PHF3: variants seen among roughly 807,000 people sequenced by gnomAD.
The protein encoded by PHF3 is PHD finger protein 3.
Under a neutral mutation model 178.4 loss-of-function variants are expected in PHF3, and 41 were observed. The ratio of observed to expected loss-of-function variants is 0.23; its 90% CI spans 0.18 to 0.30. PHF3 has a LOEUF of 0.30. Ranked by LOEUF, PHF3 falls within the 10% of genes least tolerant of loss-of-function variation. PHF3 has a pLI of 1.00. For synonymous variants in PHF3, 842 were observed against 800.5 expected, an observed-to-expected ratio of 1.05 and a Z score of -0.88; for missense variants, 2,346 against 2,398.1, an observed-to-expected ratio of 0.98 and a Z score of 0.45.
intron 6 of PHF3, among the ~76,000 whole-genome samples, chr6:63,696,037 A>G (rs1219678267): frequency 6.6e-6 from 1 of 152,218 alleles, no homozygotes; most frequent in Non-Finnish European, 1.5e-5. Flanking sequence ...TAAACATCCC[A>G]AATCTAAAAT....
chr6:63,724,873 A>T lies in PHF3; in HGVS notation c.*11165A>T, dbSNP rs531196380. ...GTGTATTGTTTGGTTAGTTTTTACT[A>T]ATAGGTCCTCTTAGCAGAGGATCAA... On this transcript the variant is annotated 3_prime_UTR_variant, in exon 16 of 16. Transcript: ENST00000262043. 6.6e-6 allele frequency among the ~76,000 whole-genome samples: 1 copy of T among 152,104 alleles called. No individual in the cohort carries two copies. Among genetic ancestry groups the T allele is most frequent in the East Asian group, 1.9e-4 (1 of 5,186 alleles).
chr6:63,668,582 T>TTGTCCCACATCGGTTTA (rs1489199481), intron 2 of PHF3, among the ~76,000 whole-genome samples: 2 of 152,154 alleles, frequency 1.3e-5, no homozygotes, highest in African/African-American at 4.8e-5. Flanking sequence ...GCTCAAGTGA[T>TTGTCCCACATCGGTTTA]TGTCCCACAT....
chr6:63,649,247 G>C (rs1436194042), intron 2 of PHF3, among the ~76,000 whole-genome samples: 3 of 152,024 alleles, frequency 2.0e-5, no homozygotes, highest in African/African-American at 7.3e-5. Flanking sequence ...CTTGGCCTGG[G>C]AAATCTTATT....
chr6:63,703,636 A>C lies in PHF3; in HGVS notation c.3332A>C (p.Gln1111Pro). The C allele has an allele frequency of 6.2e-7, 1 of 1,605,978 alleles. No homozygotes were observed. The highest frequency in any genetic ancestry group is 8.5e-7 in the Non-Finnish European group (1 of 1,177,966). The change falls in exon 11 of 16, where the codon CAG becomes CCG. Residue 1111 changes from glutamine to proline, a missense_variant. By Grantham distance (76) the Gln-to-Pro change is moderately conservative. This residue lies in a region of PHF3 where 205 missense variants were observed against 212.4 expected (regional missense o/e 0.97). Coordinates refer to ENST00000262043, the MANE Select transcript of PHF3 (RefSeq NM_001370348.2). ...AAAGATACCACTAGTCAACACAGAC[A>C]GCATCTTTTTGATCTCAACTGCAAA... ...MSKDTTSQHR[Q>P]HLFDLNCKIC...
Position 63,725,009 on chromosome 6 carries a change from TAAAC to T in PHF3, c.*11302_*11305del, listed in dbSNP as rs1404196342. Among the ~76,000 whole-genome samples the T allele has an allele frequency of 6.6e-6, 1 of 152,168 alleles. No homozygotes were observed. Among genetic ancestry groups the T allele is most frequent in the Non-Finnish European group, 1.5e-5 (1 of 67,986 alleles). ...CCTTAAATAAATGAGAGACTTCAAA[TAAAC>T]TTGTTATATCACTTGATTACTAAAA... On this transcript the variant is annotated 3_prime_UTR_variant, in exon 16 of 16. Coordinates refer to ENST00000262043, the MANE Select transcript of PHF3 (RefSeq NM_001370348.2).
chr6:63,712,225 G>A lies in PHF3; in HGVS notation c.4637G>A (p.Gly1546Glu). The change falls in exon 16 of 16, where the codon GGG becomes GAG. Residue 1546 changes from glycine (G) to glutamate (E), a missense_variant. Physicochemically the swap from Gly to Glu is moderately conservative, Grantham distance 98. Around this residue, in one of 8 missense-constraint regions of PHF3, gnomAD observed 839 missense variants for 806.9 expected, o/e 1.04. Transcript: ENST00000262043. ...KSAEIETSVVGSSSISAGSLT... is the reference protein window; with the variant it reads ...KSAEIETSVVESSSISAGSLT... ...GCAGAAATAGAAACATCAGTAGTAG[G>A]GTCCTCTTCCATTTCTGCAGGGTCT... 1.2e-6 allele frequency: 2 copies of A among 1,613,968 alleles called. No individual in the cohort carries two copies. Among genetic ancestry groups the A allele is most frequent in the Non-Finnish European group, 1.7e-6 (2 of 1,179,944 alleles).
intron 3 of PHF3, 58 bp from the exon 4 acceptor site, chr6:63,684,071 A>G (rs1009487982): frequency 1.4e-5 from 19 of 1,323,190 alleles, no homozygotes; most frequent in Admixed American, 1.1e-4. Flanking sequence ...TTGTATTGAA[A>G]TAAAAGCACA....
intron 1 of PHF3, among the ~76,000 whole-genome samples, chr6:63,642,857 A>G (rs1382764653): frequency 2.6e-5 from 4 of 152,192 alleles, no homozygotes; most frequent in Admixed American, 2.6e-4. Context: ...CCCCTTAATT[A>G]GATCTGATTA....
In PHF3 at chr6:63,680,058, C is replaced by T; in HGVS notation, c.303C>T (p.Thr101=). Residue 101 remains threonine, a synonymous_variant, in exon 3 of 16, where the codon ACC becomes ACT. Coordinates refer to ENST00000262043, the MANE Select transcript of PHF3 (RefSeq NM_001370348.2). ...EGVVKESGND[T]IDEEELILPN... ...TTGTTAAAGAAAGTGGCAATGATAC[C>T]ATTGATGAAGAAGAACTGATTTTAC... 1 of 1,612,380 alleles carries T rather than the reference C, an allele frequency of 6.2e-7. No homozygotes were observed. The highest frequency in any genetic ancestry group is 1.7e-5 in the Admixed American group (1 of 59,952).
In PHF3 at chr6:63,699,413, T is replaced by C. The variant is rs561664668; in HGVS notation, c.2982+808T>C. ...ATAAAAGGTTTTCACACAACTGATA[T>C]AAATTTGTATAAGGATATTTGCTAC... On this transcript the variant is annotated intron_variant, in intron 8 of 15. Coordinates refer to ENST00000262043, the MANE Select transcript of PHF3 (RefSeq NM_001370348.2). 2.6e-5 allele frequency among the ~76,000 whole-genome samples: 4 copies of C among 152,292 alleles called. No homozygotes were observed. In the East Asian group the frequency reaches 5.8e-4, roughly 22 times the overall value.
chr6:63,685,385 G>C lies in PHF3; in HGVS notation c.1663G>C (p.Glu555Gln), dbSNP rs1460789741. 6.2e-7 allele frequency: 1 copy of C among 1,613,856 alleles called. No homozygotes were observed. Among genetic ancestry groups the C allele is most frequent in the South Asian group, 1.1e-5 (1 of 91,046 alleles). ...VKVRKKQIDK[E>Q]PKIQSCNSGV... ...AGTCAGAAAAAAACAAATTGATAAG[G>C]AGCCAAAGATTCAGAGTTGCAATTC... is the stretch of plus-strand genomic sequence containing the variant. The change falls in exon 4 of 16, where the codon GAG (glutamate) becomes CAG (glutamine). Residue 555 changes from glutamate to glutamine, a missense_variant. Glu to Gln is a conservative substitution (Grantham distance 29). Around this residue, in one of 8 missense-constraint regions of PHF3, gnomAD observed 843 missense variants for 795.2 expected, o/e 1.06. Transcript: ENST00000262043.
intron 1 of PHF3, among the ~76,000 whole-genome samples, chr6:63,638,985 T>G (rs1764464929): frequency 6.6e-6 from 1 of 152,166 alleles, no homozygotes; most frequent in Non-Finnish European, 1.5e-5. Flanking sequence ...TATTATAGTC[T>G]GGGAAACAAG....
rs1244011205 is a variant in PHF3 at position 63,725,076 on chromosome 6, T to A, written c.*11368T>A. Among the ~76,000 whole-genome samples the A allele has an allele frequency of 6.6e-6, 1 of 152,144 alleles. No individual in the cohort carries two copies. The highest frequency in any genetic ancestry group is 1.5e-5 in the Non-Finnish European group (1 of 67,990). ...CCTTTCATCTGATAATTGTTTTTGG[T>A]TAATCTAGGTTTAAGCATGTAGAAC... On this transcript the variant is annotated 3_prime_UTR_variant, in exon 16 of 16. Transcript: ENST00000262043.
chr6:63,665,496 T>G (rs1014349337), intron 2 of PHF3, among the ~76,000 whole-genome samples: 4 of 146,254 alleles, frequency 2.7e-5, no homozygotes, highest in African/African-American at 1.0e-4. Context: ...GTTTTTTTTT[T>G]TTTTTTTTGA....
chr6:63,640,857 G>A (rs534446602), intron 1 of PHF3, among the ~76,000 whole-genome samples: 1 of 152,194 alleles, frequency 6.6e-6, no homozygotes, highest in South Asian at 2.1e-4. Flanking sequence ...ATAATTTTTT[G>A]TGTGTGTGTG....
At position 63,712,103 on chromosome 6, in the gene PHF3, A is replaced by G; in HGVS notation, c.4515A>G (p.Ser1505=). The change falls in exon 16 of 16, where the codon TCA becomes TCG. Residue 1505 remains serine (S), a synonymous_variant. Coordinates refer to ENST00000262043, the MANE Select transcript of PHF3 (RefSeq NM_001370348.2). ...EIPFLNEQTN[S]KIEKTDNVEV... ...CATTTTTAAATGAGCAGACCAACTC[A>G]AAAATAGAGAAAACAGATAATGTGG... 3.1e-6 allele frequency: 5 copies of G among 1,613,628 alleles called. No individual in the cohort carries two copies. The highest frequency in any genetic ancestry group is 4.2e-6 in the Non-Finnish European group (5 of 1,179,906).
rs34787470 is a variant in PHF3, at chr6:63,654,889, C to CTTT, written c.244+8112_244+8114dup. On this transcript the variant is annotated intron_variant, in intron 2 of 15. Transcript: ENST00000262043. ...CAGATAGTTATTTGTATTAGGTGAC[C>CTTT]TTTTTTTTTTTTTTTTTTTTCGAGA... 4.6e-3 allele frequency among the ~76,000 whole-genome samples: 436 copies of CTTT among 94,736 alleles called. 37 individuals carry two copies. Among genetic ancestry groups the CTTT allele is most frequent in the African/African-American group, 0.013 (295 of 22,946 alleles). 62.2% of individuals were successfully genotyped at this position (94,736 alleles called of 152,430 possible). A position where few individuals can be genotyped will look rare whatever the true frequency, so the allele number is the denominator to read the frequency against.
rs766434736 is a variant in PHF3 at position 63,712,904 on chromosome 6, A to T, written c.5316A>T (p.Pro1772=). The change falls in exon 16 of 16, where the codon CCA becomes CCT. Residue 1772 remains proline, a synonymous_variant. Transcript: ENST00000262043. ...ATTTTGAAGTTGGAAACACATGTCC[A>T]TCAGAATTTCCTTCTAAAAGCATCA... ...TSHFEVGNTC[P]SEFPSKSITF... The T allele has an allele frequency of 3.7e-6, 6 of 1,614,066 alleles. No individual in the cohort carries two copies. The highest frequency in any genetic ancestry group is 5.1e-6 in the Non-Finnish European group (6 of 1,179,962).
intron 1 of PHF3, among the ~76,000 whole-genome samples, chr6:63,641,414 C>A (rs898809200): frequency 1.3e-5 from 2 of 151,986 alleles, no homozygotes; most frequent in African/African-American, 4.8e-5. Context: ...CCTCACACCA[C>A]CCCCCTACAC....
Sources: gnomAD v4.1 joint callset for allele counts (sites outside exome capture counted in the v4.1 genomes callset) on GRCh38, gnomAD v4.1.1 for gene constraint, gnomAD v4.1.1 regional missense constraint, MANE v1.5 for transcripts, NCBI Gene and HGNC (gene_info 2026-07-23, HGNC 2026-07-21) for gene names.